Variants in VGLL4 observed in about 807,000 individuals in gnomAD.
VGLL4 encodes the protein vestigial like family member 4.
In VGLL4, 7 loss-of-function variants were observed where a neutral mutation model predicts 21.0. That is an observed-to-expected ratio of 0.33 (90% CI 0.19 to 0.63). The LOEUF is 0.63. VGLL4 is among the 20% of genes least tolerant of loss of function. The pLI, the probability that VGLL4 is intolerant of heterozygous loss-of-function variation, is 0.78. For synonymous variants in VGLL4, 222 were observed against 173.2 expected (o/e 1.28, Z -2.21); for missense variants, 394 against 425.7 (o/e 0.93, Z 0.66).
chr3:11,628,547 G>A lies in VGLL4; in HGVS notation c.82+14890C>T, dbSNP rs191851779. 6.5e-3 allele frequency among the ~76,000 whole-genome samples: 996 copies of A among 152,092 alleles called. 47 individuals are homozygous for A. The highest frequency in any genetic ancestry group is 1.0e-3 in the Non-Finnish European group (68 of 67,990). Reference sequence around the variant, plus strand: ...AAAAATTAATCAATCTCGGCCGGGCGCGGTGGCTCACGCCTGTAATCCCAG... The same window carrying A: ...AAAAATTAATCAATCTCGGCCGGGCACGGTGGCTCACGCCTGTAATCCCAG... On this transcript the variant is annotated intron_variant, in intron 1 of 4. Coordinates refer to ENST00000430365, the MANE Select transcript of VGLL4 (RefSeq NM_001128219.3).
At chr3:11,656,081 T>C (rs2075952799) in intron 2 of VGLL4, among the ~76,000 whole-genome samples, 1 of 152,206 alleles carries the variant, frequency 6.6e-6, no homozygotes, top group Non-Finnish European at 1.5e-5. Context: ...TTTGTGATGC[T>C]CTGCGTGGTT....
intron 1 of VGLL4, among the ~76,000 whole-genome samples, chr3:11,630,449 A>G (rs1395366897): frequency 6.6e-6 from 1 of 152,170 alleles, no homozygotes; most frequent in East Asian, 1.9e-4. Context: ...CTTCGAAACC[A>G]GCCTGTCCAA....
At position 11,568,943 on chromosome 3, in the gene VGLL4, C is replaced by A; in HGVS notation, c.273-3924G>T. ...GGGCACTTCCACTGCCAGCTGCCCA[C>A]GGAGAGAAAGATGGAAAGAGGAGGG... On this transcript the variant is annotated intron_variant, in intron 2 of 4. Coordinates refer to ENST00000430365, the MANE Select transcript of VGLL4 (RefSeq NM_001128219.3). This position sits in a 1 kb window ranked among gnomAD's most constrained non-coding sequence, Gnocchi z 5.9. 2.5e-6 allele frequency: 3 copies of A among 1,217,466 alleles called. No homozygotes were observed. Among genetic ancestry groups the A allele is most frequent in the Non-Finnish European group, 3.1e-6 (3 of 970,380 alleles). The allele number at this position is 1,217,466 out of a possible 1,614,324, so 75.4% of individuals were successfully genotyped here.
At chr3:11,686,935 T>C (rs914865450) in intron 2 of VGLL4, among the ~76,000 whole-genome samples, 4 of 152,208 alleles carry the variant, frequency 2.6e-5, no homozygotes, top group South Asian at 2.1e-4. Context: ...ACGTCTAACA[T>C]AGTAAAGTAT....
At chr3:11,687,069 T>C (rs1488352297) in intron 2 of VGLL4, among the ~76,000 whole-genome samples, 1 of 152,210 alleles carries the variant, frequency 6.6e-6, no homozygotes, top group Non-Finnish European at 1.5e-5. Context: ...ATTATCCCTA[T>C]GTCAGTATTA....
At chr3:11,657,203 A>T (rs1315836630) in intron 2 of VGLL4, among the ~76,000 whole-genome samples, 1 of 152,078 alleles carries the variant, frequency 6.6e-6, no homozygotes, top group Non-Finnish European at 1.5e-5. Context: ...TGTCTGCCCG[A>T]GCCCTAAAAT....
intron 2 of VGLL4, among the ~76,000 whole-genome samples, chr3:11,598,462 T>C (rs962204306): frequency 1.3e-5 from 2 of 150,026 alleles, no homozygotes; most frequent in African/African-American, 5.0e-5. Context: ...CTACCGAAAC[T>C]ATTTTTTCTT....
chr3:11,669,643 A>T (rs1485656274), intron 2 of VGLL4, among the ~76,000 whole-genome samples: 3 of 152,144 alleles, frequency 2.0e-5, no homozygotes, highest in Non-Finnish European at 4.4e-5. Flanking sequence ...CCTCACTGTA[A>T]TATTTTTATT....
At chr3:11,618,986 T>C (rs56205912) in intron 1 of VGLL4, among the ~76,000 whole-genome samples, 2,541 of 152,338 alleles carry the variant, frequency 0.017, 31 homozygotes, top group Non-Finnish European at 0.023. Context: ...TTGGTATATT[T>C]ACTTAAGATA....
chr3:11,670,310 C>T (rs1321169759), intron 2 of VGLL4, among the ~76,000 whole-genome samples: 1 of 152,130 alleles, frequency 6.6e-6, no homozygotes, highest in African/African-American at 2.4e-5. Flanking sequence ...TTGTCCTAAT[C>T]CCAAACGTTA....
chr3:11,680,972 G>A (rs1428539221), intron 2 of VGLL4, among the ~76,000 whole-genome samples: 16 of 149,942 alleles, frequency 1.1e-4, no homozygotes, highest in Admixed American at 8.6e-4. Flanking sequence ...CCACTCCCCC[G>A]CCCCCACGCC....
intron 2 of VGLL4, among the ~76,000 whole-genome samples, chr3:11,576,863 A>G (rs981919606): frequency 3.3e-5 from 5 of 152,242 alleles, no homozygotes; most frequent in Non-Finnish European, 2.9e-5. Context: ...ACTCAAGACT[A>G]GGAGAGAAGA....
At chr3:11,672,990 T>G (rs1016035851) in intron 2 of VGLL4, among the ~76,000 whole-genome samples, 2 of 152,182 alleles carry the variant, frequency 1.3e-5, no homozygotes, top group Non-Finnish European at 2.9e-5. Flanking sequence ...TCTAGAAACC[T>G]GACCAGCCCA....
chr3:11,632,454 T>C (rs925477161), intron 1 of VGLL4, among the ~76,000 whole-genome samples: 3 of 152,212 alleles, frequency 2.0e-5, no homozygotes, highest in Admixed American at 1.3e-4. Flanking sequence ...TAGTTCCCAG[T>C]ATAGTGACAG....
rs1451756867 is a variant in VGLL4 at position 11,653,165 on chromosome 3, T to C, written c.64+49806A>G. Reference sequence around the variant, plus strand: ...GTCTGCCTGCACAGTGCTTCATTCATTATGCAGCACGCTAAGCACCTCCAC... The same window carrying C: ...GTCTGCCTGCACAGTGCTTCATTCACTATGCAGCACGCTAAGCACCTCCAC... On this transcript the variant is annotated intron_variant, in intron 2 of 5. Coordinates refer to the VGLL4 transcript ENST00000273038. The surrounding 1 kb of genome is among the most constrained non-coding windows in gnomAD (Gnocchi z 4.2). 6.6e-6 allele frequency among the ~76,000 whole-genome samples: 1 copy of C among 152,208 alleles called. No individual in the cohort carries two copies. Among genetic ancestry groups the C allele is most frequent in the African/African-American group, 2.4e-5 (1 of 41,440 alleles).
chr3:11,654,197 A>G (rs2075922324), intron 2 of VGLL4, among the ~76,000 whole-genome samples: 1 of 152,236 alleles, frequency 6.6e-6, no homozygotes, highest in East Asian at 1.9e-4. Context: ...TAGCCAAATC[A>G]TCATTCTCTG....
chr3:11,634,058 C>T (rs879350061), intron 1 of VGLL4, among the ~76,000 whole-genome samples: 4 of 152,170 alleles, frequency 2.6e-5, no homozygotes, highest in Non-Finnish European at 4.4e-5. Flanking sequence ...GGTGACCACG[C>T]TCACTCAAAG....
At chr3:11,679,731 G>A (rs7632364) in intron 2 of VGLL4, among the ~76,000 whole-genome samples, 86,201 of 151,802 alleles carry the variant, frequency 0.57, 24,959 homozygotes, top group Non-Finnish European at 0.63. Flanking sequence ...AAGAAAGAAA[G>A]TATTTTTGTT....
intron 1 of VGLL4, among the ~76,000 whole-genome samples, chr3:11,606,665 C>T (rs890453670): frequency 1.3e-5 from 2 of 152,146 alleles, no homozygotes; most frequent in African/African-American, 2.4e-5. Flanking sequence ...CCAATCAACA[C>T]TCTGTAAAAA....
Sources: allele counts gnomAD v4.1 joint callset (sites outside exome capture counted in the v4.1 genomes callset), GRCh38; gene constraint gnomAD v4.1.1; non-coding constraint Gnocchi (gnomAD v3.1); transcripts MANE v1.5; gene names NCBI Gene and HGNC (gene_info 2026-07-23, HGNC 2026-07-21).